Variants in NECTIN1 observed in about 807,000 individuals in gnomAD.
The protein encoded by NECTIN1 is nectin cell adhesion molecule 1.
Under a neutral mutation model 48.0 loss-of-function variants are expected in NECTIN1, and 23 were observed. That is an observed-to-expected ratio of 0.48 (90% CI 0.34 to 0.68). The LOEUF is 0.68. NECTIN1 is among the 30% of genes least tolerant of loss of function. The pLI is 0.01. For synonymous variants in NECTIN1, 270 were observed against 288.9 expected (o/e 0.93, Z 0.66); for missense variants, 591 against 709.9 (o/e 0.83, Z 1.90).
chr11:119,656,767 C>T (rs918107763), downstream of NECTIN1, among the ~76,000 whole-genome samples: 7 of 152,184 alleles, frequency 4.6e-5, no homozygotes, highest in East Asian at 7.7e-4. Flanking sequence ...CCTCCCCTTC[C>T]GCCTCTCCCC....
chr11:119,639,169 C>T (rs1864284174), intron 6 of NECTIN1, among the ~76,000 whole-genome samples: 1 of 152,164 alleles, frequency 6.6e-6, no homozygotes, highest in Non-Finnish European at 1.5e-5. Context: ...GTATGCGGCA[C>T]CGACAGCCTT....
At chr11:119,669,930 T>G (rs1444144650) in intron 5 of NECTIN1, among the ~76,000 whole-genome samples, 3 of 152,142 alleles carry the variant, frequency 2.0e-5, no homozygotes, top group Admixed American at 2.0e-4. Context: ...ACTCTCTTTT[T>G]TTCCTCCTCA....
rs1410573028 is a variant in NECTIN1 at position 119,664,241 on chromosome 11, C to G, written c.*506G>C. On this transcript the variant is annotated 3_prime_UTR_variant, in exon 6 of 6. Transcript: ENST00000264025. ...GCTGTCTAGACCCAAGGTCCAAACTCCCAGCTGCATCAGATTTCACTGGTG... is the reference window on the plus strand; with the variant it reads ...GCTGTCTAGACCCAAGGTCCAAACTGCCAGCTGCATCAGATTTCACTGGTG... 4.2e-5 allele frequency: 42 copies of G among 991,372 alleles called. No homozygotes were observed. Among genetic ancestry groups the G allele is most frequent in the Non-Finnish European group, 4.6e-5 (38 of 833,430 alleles). The allele number at this position is 991,372 out of a possible 1,614,324, so 61.4% of individuals were successfully genotyped here.
chr11:119,660,277 G>A (rs1864639125), downstream of NECTIN1, among the ~76,000 whole-genome samples: 1 of 152,142 alleles, frequency 6.6e-6, no homozygotes, highest in South Asian at 2.1e-4. Context: ...CCACCCCCAG[G>A]ATCGATTTGT....
rs539913330 is a variant in NECTIN1, at chr11:119,682,665, C to T, written c.80-3900G>A. On this transcript the variant is annotated intron_variant, in intron 1 of 5. Transcript: ENST00000264025. ...AGCTAATACCTGCCCTATAAAACTG[C>T]GTAAGGATTAAAAGAGGGAGTCCAT... 7.2e-5 allele frequency among the ~76,000 whole-genome samples: 11 copies of T among 152,222 alleles called. 1 individual carries two copies. The highest frequency in any genetic ancestry group is 2.6e-4 in the Admixed American group (4 of 15,288).
chr11:119,677,442 G>C lies in NECTIN1; in HGVS notation c.733+113C>G. The C allele has an allele frequency of 8.0e-7, 1 of 1,243,178 alleles. No individual in the cohort carries two copies. Among genetic ancestry groups the C allele is most frequent in the Non-Finnish European group, 1.2e-6 (1 of 854,438 alleles). 77.0% of individuals were successfully genotyped at this position (1,243,178 alleles called of 1,614,324 possible). ...GCAAAGGGAGGAGATAGGGGAGACA[G>C]GAGGGGAGAAGAAAGCACCCCCAGA... On this transcript the variant is annotated intron_variant, in intron 3 of 5. Coordinates refer to ENST00000264025, the MANE Select transcript of NECTIN1 (RefSeq NM_002855.5). This position sits in a 1 kb window ranked among gnomAD's most constrained non-coding sequence, Gnocchi z 5.4.
At chr11:119,723,673 T>A (rs1210754042) in intron 1 of NECTIN1, among the ~76,000 whole-genome samples, 2 of 152,226 alleles carry the variant, frequency 1.3e-5, no homozygotes, top group South Asian at 4.1e-4. Context: ...GGTACAGATA[T>A]TATGTTCCAT....
intron 1 of NECTIN1, among the ~76,000 whole-genome samples, chr11:119,721,287 G>A (rs1865826064): frequency 6.6e-6 from 1 of 152,236 alleles, no homozygotes; most frequent in African/African-American, 2.4e-5. Context: ...GCATCCAAGT[G>A]GGTGGGCAGG....
chr11:119,698,843 G>A (rs907311895), intron 1 of NECTIN1, among the ~76,000 whole-genome samples: 1 of 152,182 alleles, frequency 6.6e-6, no homozygotes, highest in Non-Finnish European at 1.5e-5. Context: ...GCTGCAAGCT[G>A]AGACCATTCC....
At chr11:119,655,597 T>C (rs149411096) in intron 5 of NECTIN1, among the ~76,000 whole-genome samples, 140 of 152,312 alleles carry the variant, frequency 9.2e-4, no homozygotes, top group African/African-American at 3.2e-3. Context: ...CTGATGACGA[T>C]AGCATAGGTT....
At chr11:119,708,568 C>T (rs371404203) in intron 1 of NECTIN1, among the ~76,000 whole-genome samples, 1 of 139,786 alleles carries the variant, frequency 7.2e-6, no homozygotes, top group African/African-American at 2.7e-5. Flanking sequence ...CCAGGATAGG[C>T]AGATCCATAG....
In NECTIN1 at chr11:119,673,241, G is replaced by A. The variant is rs1864889536; in HGVS notation, c.1003+1918C>T. Among the ~76,000 whole-genome samples the A allele has an allele frequency of 6.6e-6, 1 of 152,140 alleles. No individual in the cohort carries two copies. Among genetic ancestry groups the A allele is most frequent in the South Asian group, 2.1e-4 (1 of 4,832 alleles). On this transcript the variant is annotated intron_variant, in intron 5 of 5. Transcript: ENST00000264025. This position sits in a 1 kb window ranked among gnomAD's most constrained non-coding sequence, Gnocchi z 5.8. ...AACAAACAGCCCTGAGAAGGCTCAG[G>A]CCAACTCCCTGAGTCCTCTGGAGGG...
At chr11:119,697,204 G>A (rs1305173786) in intron 1 of NECTIN1, among the ~76,000 whole-genome samples, 7 of 152,190 alleles carry the variant, frequency 4.6e-5, no homozygotes, top group South Asian at 2.1e-4. Context: ...ACTCACAGCC[G>A]AGAGAGGGGG....
In NECTIN1 at chr11:119,728,741, C is replaced by A. The variant is rs1865964424; in HGVS notation, c.-188G>T. The A allele has an allele frequency of 1.8e-5, 8 of 457,058 alleles. 1 individual carries two copies. In the East Asian group the frequency reaches 2.2e-4, roughly 12 times the overall value. 28.3% of individuals were successfully genotyped at this position (457,058 alleles called of 1,614,324 possible). A position where few individuals can be genotyped will look rare whatever the true frequency, so the allele number is the denominator to read the frequency against. ...GCGCGGCCGCAGTCCGGGCCCCGGG[C>A]CGCCGCCGGCTCAGAGGCTCGGCAG... On this transcript the variant is annotated 5_prime_UTR_variant, in exon 1 of 6. Transcript: ENST00000264025.
intron 1 of NECTIN1, among the ~76,000 whole-genome samples, chr11:119,726,699 T>C (rs1453505701): frequency 1.3e-5 from 2 of 152,108 alleles, no homozygotes; most frequent in Admixed American, 6.5e-5. Flanking sequence ...GGAAGGAGAA[T>C]AGGGTGAGTT....
rs1317159942 is a variant in NECTIN1, at chr11:119,665,085, G to T, written c.1216C>A (p.Pro406Thr). 1.2e-6 allele frequency: 2 copies of T among 1,614,042 alleles called. No individual in the cohort carries two copies. ...TGTGCCATTGGTGGGTGGTGCTGGG[G>T]GATGCCTGCCTTGCTGTAGCCGTTG... is the stretch of plus-strand genomic sequence containing the variant. The part of the protein sequence containing the change: ...YGNGYSKAGI[P>T]QHHPPMAQNL... The change falls in exon 6 of 6, where the codon CCC (proline) becomes ACC (threonine). Residue 406 changes from proline (P) to threonine (T), a missense_variant. Pro to Thr is a conservative substitution (Grantham distance 38). Coordinates refer to ENST00000264025, the MANE Select transcript of NECTIN1 (RefSeq NM_002855.5). This position sits in a 1 kb window ranked among gnomAD's most constrained non-coding sequence, Gnocchi z 5.1.
At position 119,644,786 on chromosome 11, in the gene NECTIN1, T is replaced by C. The variant is rs12224653; in HGVS notation, c.1004-4774A>G. Among the ~76,000 whole-genome samples, 549 of 151,632 alleles carry C rather than the reference T, an allele frequency of 3.6e-3. 8 individuals carry two copies. Among genetic ancestry groups the C allele is most frequent in the East Asian group, 0.033 (170 of 5,156 alleles). ...GCACGTGTGTGAAATGTGGGGTATA[T>C]GAGGGAAATTCCAAGTATTGGATAT... is the stretch of plus-strand genomic sequence containing the variant. On this transcript the variant is annotated intron_variant, in intron 5 of 7. Transcript: ENST00000341398.
Position 119,663,700 on chromosome 11 carries a change from T to G in NECTIN1, c.*1047A>C, listed in dbSNP as rs1864710024. ...GCCCTGACTAGCCAAAAGAACCAAGTGTTGCTAGATAAGGGAGAAATCAGA... is the reference window on the plus strand; with the variant it reads ...GCCCTGACTAGCCAAAAGAACCAAGGGTTGCTAGATAAGGGAGAAATCAGA... On this transcript the variant is annotated 3_prime_UTR_variant, in exon 6 of 6. Coordinates refer to ENST00000264025, the MANE Select transcript of NECTIN1 (RefSeq NM_002855.5). 1.0e-6 allele frequency: 1 copy of G among 985,336 alleles called. No homozygotes were observed. Among genetic ancestry groups the G allele is most frequent in the South Asian group, 4.7e-5 (1 of 21,284 alleles). The allele number at this position is 985,336 out of a possible 1,614,324, so 61.0% of individuals were successfully genotyped here.
In NECTIN1 at chr11:119,727,424, G is replaced by C. The variant is rs896818622; in HGVS notation, c.79+1051C>G. ...AAAATCCCATCTTGCTAGAGCTGCA[G>C]GTCGTCTCTGGTTTCTACCCAGAGA... On this transcript the variant is annotated intron_variant, in intron 1 of 5. Transcript: ENST00000264025. The surrounding 1 kb of genome is among the most constrained non-coding windows in gnomAD (Gnocchi z 4.1). Among the ~76,000 whole-genome samples the C allele has an allele frequency of 1.3e-5, 2 of 152,116 alleles. No homozygotes were observed. Among genetic ancestry groups the C allele is most frequent in the Non-Finnish European group, 2.9e-5 (2 of 68,036 alleles).
Sources: gnomAD v4.1 joint callset for allele counts (sites outside exome capture counted in the v4.1 genomes callset) on GRCh38, gnomAD v4.1.1 for gene constraint, Gnocchi (gnomAD v3.1) non-coding constraint, MANE v1.5 for transcripts, NCBI Gene and HGNC (gene_info 2026-07-23, HGNC 2026-07-21) for gene names.